The following SLC8A3 variants were observed in gnomAD, a reference collection of about 807,000 sequenced individuals.
The protein encoded by SLC8A3 is solute carrier family 8 member A3, also known as sodium/calcium exchanger 3.
In SLC8A3, 37 loss-of-function variants were observed where a neutral mutation model predicts 65.4. That is an observed-to-expected ratio of 0.57 (90% CI 0.44 to 0.74). SLC8A3 has a LOEUF of 0.74. Among genes scored for constraint, SLC8A3 ranks in the 30% least tolerant of loss-of-function variants. The pLI, the probability that SLC8A3 is intolerant of heterozygous loss-of-function variation, is 0.00. For missense variants in SLC8A3, 1,112 were observed against 1,172.1 expected, an observed-to-expected ratio of 0.95 and a Z score of 0.75; for synonymous variants, 461 against 444.5, an observed-to-expected ratio of 1.04 and a Z score of -0.47.
chr14:70,063,919 G>T, intron 2 of SLC8A3: 1 of 1,592,686 alleles, frequency 6.3e-7, no homozygotes, highest in Non-Finnish European at 8.6e-7. Flanking sequence ...ACCTTGATGT[G>T]AATTGTTTTG....
At chr14:70,125,342 C>T (rs76117072) in intron 2 of SLC8A3, among the ~76,000 whole-genome samples, 4,909 of 152,056 alleles carry the variant, frequency 0.032, 98 homozygotes, top group South Asian at 0.058. Context: ...CCCACCCTTC[C>T]GAGTCTCCAA....
intron 2 of SLC8A3, among the ~76,000 whole-genome samples, chr14:70,069,702 C>A (rs1452776742): frequency 6.6e-6 from 1 of 152,196 alleles, no homozygotes; most frequent in African/African-American, 2.4e-5. Flanking sequence ...ACTGATATTT[C>A]CCTGACCCCT....
intron 2 of SLC8A3, among the ~76,000 whole-genome samples, chr14:70,146,232 G>A (rs1321081901): frequency 2.0e-5 from 3 of 152,202 alleles, no homozygotes; most frequent in Non-Finnish European, 4.4e-5. Flanking sequence ...TGGAAGATGT[G>A]TAATGTCGAC....
intron 2 of SLC8A3, among the ~76,000 whole-genome samples, chr14:70,161,041 G>A (rs1432953416): frequency 3.3e-5 from 5 of 149,564 alleles, no homozygotes; most frequent in Non-Finnish European, 7.4e-5. Flanking sequence ...TCAGGAGATC[G>A]AGACCATACT....
At position 70,167,947 on chromosome 14, in the gene SLC8A3, C is replaced by T. The variant is rs751196088; in HGVS notation, c.476G>A (p.Gly159Glu). Residue 159 changes from glycine (G) to glutamate (E), a missense_variant, in exon 2 of 7, where the codon GGG (glycine) becomes GAG (glutamate). By Grantham distance (98) the Gly-to-Glu change is moderately conservative. Transcript: ENST00000356921. ...LLSLIEVCGH[G>E]FIAGDLGPST... ...AGGTCCCAGATCACCAGCAATGAAC[C>T]CATGACCACACACCTCAATTAAAGA... 3 of 1,614,154 alleles carry T rather than the reference C, an allele frequency of 1.9e-6. No individual in the cohort carries two copies. The South Asian group carries it at 3.3e-5, about 18-fold the overall frequency.
chr14:70,071,129 T>C (rs1413896278), intron 2 of SLC8A3, among the ~76,000 whole-genome samples: 1 of 152,222 alleles, frequency 6.6e-6, no homozygotes, highest in African/African-American at 2.4e-5. Context: ...AAGTTAGGTA[T>C]AAATGTGCTT....
intron 2 of SLC8A3, among the ~76,000 whole-genome samples, chr14:70,127,700 T>A (rs940010877): frequency 2.6e-5 from 4 of 152,184 alleles, no homozygotes. Context: ...TTCAACCCTC[T>A]ATTTTATAGA....
At position 70,045,679 on chromosome 14, in the gene SLC8A3, G is replaced by A; in HGVS notation, c.*268C>T. Reference sequence around the variant, plus strand: ...TTGCTTTGGGTCAGGGATATGAGGGGGAGATGGGGTGGAGGTGGATTTGTT... The same window carrying A: ...TTGCTTTGGGTCAGGGATATGAGGGAGAGATGGGGTGGAGGTGGATTTGTT... On this transcript the variant is annotated 3_prime_UTR_variant, in exon 7 of 7. Transcript: ENST00000356921. 1 of 351,032 alleles carries A rather than the reference G, an allele frequency of 2.8e-6. No individual in the cohort carries two copies. The highest frequency in any genetic ancestry group is 4.3e-5 in the East Asian group (1 of 23,488). 21.7% of individuals were successfully genotyped at this position (351,032 alleles called of 1,614,324 possible). A position where few individuals can be genotyped will look rare whatever the true frequency, so the allele number is the denominator to read the frequency against.
At chr14:70,077,434 A>G (rs913379487) in intron 2 of SLC8A3, among the ~76,000 whole-genome samples, 4 of 152,170 alleles carry the variant, frequency 2.6e-5, no homozygotes, top group African/African-American at 4.8e-5. Context: ...GGTCTCTCAC[A>G]GGGTGGATTG....
chr14:70,147,568 T>G (rs918580071), intron 2 of SLC8A3, among the ~76,000 whole-genome samples: 1 of 152,222 alleles, frequency 6.6e-6, no homozygotes, highest in Non-Finnish European at 1.5e-5. Context: ...AGTTGACTAT[T>G]AAGCCTTGAC....
At chr14:70,157,177 A>C (rs1896623811) in intron 2 of SLC8A3, among the ~76,000 whole-genome samples, 1 of 152,200 alleles carries the variant, frequency 6.6e-6, no homozygotes, top group South Asian at 2.1e-4. Flanking sequence ...AGGCCACTAC[A>C]AAATCAGTGC....
intron 2 of SLC8A3, among the ~76,000 whole-genome samples, chr14:70,083,065 T>C (rs1334412768): frequency 6.6e-6 from 1 of 152,144 alleles, no homozygotes; most frequent in Non-Finnish European, 1.5e-5. Context: ...AGGTGGCCAA[T>C]TCTGATTTTA....
At chr14:70,117,701 C>T (rs897712966) in intron 2 of SLC8A3, among the ~76,000 whole-genome samples, 5 of 152,112 alleles carry the variant, frequency 3.3e-5, no homozygotes, top group African/African-American at 1.2e-4. Context: ...TAGTAGAGGA[C>T]TCACCCTGCA....
intron 2 of SLC8A3, among the ~76,000 whole-genome samples, chr14:70,110,856 A>G (rs920447553): frequency 6.6e-6 from 1 of 150,736 alleles, no homozygotes; most frequent in Non-Finnish European, 1.5e-5. Flanking sequence ...AATTTTTTGT[A>G]TTTTTAGTAG....
intron 2 of SLC8A3, among the ~76,000 whole-genome samples, chr14:70,096,821 G>A (rs537009550): frequency 1.3e-5 from 2 of 152,240 alleles, no homozygotes; most frequent in African/African-American, 4.8e-5. Context: ...TTCCACTTTG[G>A]TCTTTTGCGG....
At chr14:70,065,156 T>A (rs1206014715) in intron 2 of SLC8A3, among the ~76,000 whole-genome samples, 1 of 152,206 alleles carries the variant, frequency 6.6e-6, no homozygotes, top group Admixed American at 6.5e-5. Context: ...GTCTCCTTTT[T>A]TTCTTTTTTA....
intron 2 of SLC8A3, among the ~76,000 whole-genome samples, chr14:70,137,613 G>T (rs2140255140): frequency 6.6e-6 from 1 of 152,234 alleles, no homozygotes; most frequent in African/African-American, 2.4e-5. Context: ...GTGCAAATGT[G>T]GTTCCTGCCT....
In SLC8A3 at chr14:70,080,938, C is replaced by T. The variant is rs145305044; in HGVS notation, c.1785-19999G>A. On this transcript the variant is annotated intron_variant, in intron 2 of 6. Transcript: ENST00000356921. ...ATGACATAGATAGGTTGGCAACTTGCCCAATGTCACACAGCTGGTAAATGG... is the reference window on the plus strand; with the variant it reads ...ATGACATAGATAGGTTGGCAACTTGTCCAATGTCACACAGCTGGTAAATGG... Among the ~76,000 whole-genome samples the T allele has an allele frequency of 1.1e-3, 161 of 152,276 alleles. 1 individual carries two copies. The highest frequency in any genetic ancestry group is 1.9e-3 in the Non-Finnish European group (132 of 68,026).
intron 2 of SLC8A3, among the ~76,000 whole-genome samples, chr14:70,098,474 A>C (rs930654660): frequency 1.3e-5 from 2 of 152,200 alleles, no homozygotes; most frequent in Non-Finnish European, 2.9e-5. Flanking sequence ...TTTGCCAGGC[A>C]GAAGAAAGTG....
Sources: gnomAD v4.1 joint callset for allele counts (sites outside exome capture counted in the v4.1 genomes callset) on GRCh38, gnomAD v4.1.1 for gene constraint, MANE v1.5 for transcripts, NCBI Gene and HGNC (gene_info 2026-07-23, HGNC 2026-07-21) for gene names.